Variants in FHIT observed in about 807,000 individuals in gnomAD.
The protein encoded by FHIT is fragile histidine triad diadenosine triphosphatase.
FHIT carries 19 observed loss-of-function variants against 17.9 expected under a neutral mutation model. That is an observed-to-expected ratio of 1.06 (90% confidence interval 0.74 to 1.56). The LOEUF is 1.56. FHIT is among the 40% of genes most tolerant of loss of function. The probability of loss-of-function intolerance (pLI) is 0.00; values close to 1 mark genes in which losing one functional copy is unlikely to be tolerated. For missense variants in FHIT, 248 were observed against 189.2 expected (o/e 1.31, Z -1.82); for synonymous variants, 81 against 69.7 (o/e 1.16, Z -0.81).
chr3:59,763,444 A>C (rs986663671), intron 8 of FHIT, among the ~76,000 whole-genome samples: 1 of 152,246 alleles, frequency 6.6e-6, no homozygotes, highest in Non-Finnish European at 1.5e-5. Context: ...CTATTTGAAG[A>C]AGCTGATCTA....
chr3:60,261,903 A>G (rs1360058232), intron 5 of FHIT, among the ~76,000 whole-genome samples: 1 of 152,062 alleles, frequency 6.6e-6, no homozygotes, highest in African/African-American at 2.4e-5. Flanking sequence ...AAAGGGACAC[A>G]GAAGAATCTG....
In FHIT at chr3:61,241,836, T is replaced by C. The variant is rs193181703; in HGVS notation, c.-213+9465A>G. On this transcript the variant is annotated intron_variant, in intron 1 of 9. Coordinates refer to ENST00000492590, the MANE Select transcript of FHIT (RefSeq NM_002012.4). ...CAATTTTCTCTTCTATTCCCACTTA[T>C]TCATCATTAAAAGAAAACACTGGCA... 2.6e-4 allele frequency among the ~76,000 whole-genome samples: 39 copies of C among 152,304 alleles called. No homozygotes were observed. In the East Asian group the frequency reaches 6.2e-3, roughly 24 times the overall value.
In FHIT at chr3:60,271,321, T is replaced by G. The variant is rs1311562639; in HGVS notation, c.104-257169A>C. On this transcript the variant is annotated intron_variant, in intron 5 of 9. Coordinates refer to ENST00000492590, the MANE Select transcript of FHIT (RefSeq NM_002012.4). ...AGGAGGCTGAGGCAGGTGAATCGCT[T>G]GAACCCAGGAGGCAGAGGTTGCAGT... Among the ~76,000 whole-genome samples, 9 of 152,252 alleles carry G rather than the reference T, an allele frequency of 5.9e-5. No individual in the cohort carries two copies. The East Asian group carries it at 1.7e-3, about 29-fold the overall frequency.
At chr3:60,963,380 G>C (rs1709557537) in intron 3 of FHIT, among the ~76,000 whole-genome samples, 1 of 152,128 alleles carries the variant, frequency 6.6e-6, no homozygotes, top group South Asian at 2.1e-4. Flanking sequence ...CAAAAAACCA[G>C]CTCCTGGATT....
chr3:60,715,539 C>T (rs1336396157), intron 4 of FHIT, among the ~76,000 whole-genome samples: 3 of 146,570 alleles, frequency 2.0e-5, no homozygotes, highest in Admixed American at 7.2e-5. Context: ...CCAAACACCA[C>T]GTGTTCTCAC....
At chr3:60,404,307 C>T (rs983280298) in intron 5 of FHIT, among the ~76,000 whole-genome samples, 4 of 144,922 alleles carry the variant, frequency 2.8e-5, no homozygotes, top group East Asian at 2.0e-4. Context: ...ACAAAAATTT[C>T]GAGGCTATTT....
intron 3 of FHIT, among the ~76,000 whole-genome samples, chr3:60,948,570 G>T (rs1156591963): frequency 1.3e-5 from 2 of 152,132 alleles, no homozygotes; most frequent in East Asian, 3.9e-4. Context: ...TTCCACTGGG[G>T]ACAAGAAGAC....
intron 7 of FHIT, among the ~76,000 whole-genome samples, chr3:59,966,350 C>G (rs1468246210): frequency 6.6e-6 from 1 of 152,098 alleles, no homozygotes; most frequent in African/African-American, 2.4e-5. Flanking sequence ...TATGGTTGTC[C>G]TGGATCTAAA....
At position 60,290,033 on chromosome 3, in the gene FHIT, C is replaced by T. The variant is rs113477175; in HGVS notation, c.103+246827G>A. Among the ~76,000 whole-genome samples, 549 of 152,284 alleles carry T rather than the reference C, an allele frequency of 3.6e-3. 6 individuals are homozygous for T. Among genetic ancestry groups the T allele is most frequent in the African/African-American group, 0.013 (527 of 41,556 alleles). The stretch of plus-strand genomic sequence containing the variant: ...ACGATATAATGACCCACCAGGATCT[C>T]AGCTGATTGTGGTTCTTATCACAAT... On this transcript the variant is annotated intron_variant, in intron 5 of 9. Coordinates refer to ENST00000492590, the MANE Select transcript of FHIT (RefSeq NM_002012.4).
At chr3:60,850,323 TTCTCTCTCTCTCTCTCTCTCTC>T (rs3046704) in intron 3 of FHIT, among the ~76,000 whole-genome samples, 27,750 of 120,276 alleles carry the variant, frequency 0.23, 2,940 homozygotes, top group Middle Eastern at 0.31. Flanking sequence ...GTGTCTGCAC[TTCTCTCTCTCTCTCTCTCTCTC>T]TCTCTCTCTC....
At chr3:60,417,913 C>T (rs919493576) in intron 5 of FHIT, among the ~76,000 whole-genome samples, 4 of 152,148 alleles carry the variant, frequency 2.6e-5, no homozygotes, top group Admixed American at 2.6e-4. Flanking sequence ...CCAAACATGG[C>T]CGAAATCTCC....
In FHIT at chr3:60,457,240, C is replaced by T. The variant is rs1194531925; in HGVS notation, c.103+79620G>A. ...ACTGGTACCAAAACAGAGATATAGA[C>T]CAATGGAACAGAACAGAGCCCTCAG... On this transcript the variant is annotated intron_variant, in intron 5 of 9. Transcript: ENST00000492590. 8.7e-4 allele frequency among the ~76,000 whole-genome samples: 132 copies of T among 151,996 alleles called. 1 individual carries two copies. The highest frequency in any genetic ancestry group is 2.4e-3 in the African/African-American group (99 of 41,440).
chr3:59,969,958 C>T (rs148674060), intron 7 of FHIT, among the ~76,000 whole-genome samples: 1 of 152,066 alleles, frequency 6.6e-6, no homozygotes. Flanking sequence ...AACGTCATGT[C>T]AAATGCACAT....
At chr3:60,989,385 G>A (rs1236068856) in intron 3 of FHIT, among the ~76,000 whole-genome samples, 3 of 151,544 alleles carry the variant, frequency 2.0e-5, no homozygotes, top group Non-Finnish European at 2.9e-5. Context: ...CTGAACTCCT[G>A]GCCTCAAGTG....
At chr3:60,853,993 A>T (rs1185581620) in intron 3 of FHIT, among the ~76,000 whole-genome samples, 3 of 152,076 alleles carry the variant, frequency 2.0e-5, no homozygotes, top group African/African-American at 7.2e-5. Context: ...AAAACCGTAA[A>T]CACCAAACAA....
intron 2 of FHIT, among the ~76,000 whole-genome samples, chr3:61,102,131 C>A (rs2035851138): frequency 6.6e-6 from 1 of 152,082 alleles, no homozygotes; most frequent in Non-Finnish European, 1.5e-5. Flanking sequence ...TTGTCTTGTG[C>A]CAGTTTTCAA....
chr3:60,967,807 C>T (rs1331100855), intron 3 of FHIT, among the ~76,000 whole-genome samples: 3 of 152,104 alleles, frequency 2.0e-5, no homozygotes, highest in Non-Finnish European at 4.4e-5. Flanking sequence ...TTTCTAGGAC[C>T]ATGATCAGAC....
chr3:60,272,591 A>G (rs1249075220), intron 5 of FHIT, among the ~76,000 whole-genome samples: 1 of 152,214 alleles, frequency 6.6e-6, no homozygotes, highest in Non-Finnish European at 1.5e-5. Flanking sequence ...AGGACTCCCA[A>G]AACTAATCAA....
chr3:60,125,752 G>A (rs1705517305), intron 5 of FHIT, among the ~76,000 whole-genome samples: 2 of 151,978 alleles, frequency 1.3e-5, no homozygotes, highest in African/African-American at 4.8e-5. Context: ...GAGGAGTAGA[G>A]ACACTCGGGA....
Sources: allele counts gnomAD v4.1 joint callset (sites outside exome capture counted in the v4.1 genomes callset), GRCh38; gene constraint gnomAD v4.1.1; transcripts MANE v1.5; gene names NCBI Gene and HGNC (gene_info 2026-07-23, HGNC 2026-07-21).